EYA2: variants seen among roughly 807,000 people sequenced by gnomAD.
EYA2 encodes the protein protein phosphatase EYA2.
A neutral mutation model predicts 69.2 loss-of-function variants in EYA2; 31 were observed. The ratio of observed to expected loss-of-function variants is 0.45; its 90% CI spans 0.34 to 0.60. The LOEUF is 0.60. EYA2 is among the 20% of genes least tolerant of loss of function. EYA2 has a pLI of 0.02. For synonymous variants in EYA2, 257 were observed against 279.4 expected (o/e 0.92, Z 0.80); for missense variants, 622 against 701.2 (o/e 0.89, Z 1.28).
intron 9 of EYA2, among the ~76,000 whole-genome samples, chr20:47,107,080 A>G (rs2032603648): frequency 6.6e-6 from 1 of 152,098 alleles, no homozygotes; most frequent in Non-Finnish European, 1.5e-5. Flanking sequence ...TTCTCATTTT[A>G]TTCAACAAAT....
At chr20:46,961,080 A>G (rs1019504188) in intron 1 of EYA2, among the ~76,000 whole-genome samples, 16 of 152,226 alleles carry the variant, frequency 1.1e-4, no homozygotes, top group African/African-American at 3.9e-4. Flanking sequence ...CATGCCTGTA[A>G]TCCCAGCACT....
Position 47,188,406 on chromosome 20 carries a change from A to C in EYA2, c.*273A>C. On this transcript the variant is annotated 3_prime_UTR_variant, in exon 16 of 16. Transcript: ENST00000327619. ...TCTTCTGTAAGACTCACAGAACAAA[A>C]GCAAGGAATTGCTGATTTGGGGGGT... The C allele has an allele frequency of 1.8e-6, 1 of 565,938 alleles. No homozygotes were observed. Among genetic ancestry groups the C allele is most frequent in the South Asian group, 2.6e-5 (1 of 39,186 alleles). 35.1% of individuals were successfully genotyped at this position (565,938 alleles called of 1,614,324 possible).
intron 1 of EYA2, among the ~76,000 whole-genome samples, chr20:46,952,257 TG>T (rs1230255993): frequency 6.6e-6 from 1 of 151,412 alleles, no homozygotes; most frequent in Non-Finnish European, 1.5e-5. Flanking sequence ...GCATGCTTGG[TG>T]GGGGATGGGG....
intron 5 of EYA2, among the ~76,000 whole-genome samples, chr20:47,031,551 A>G (rs2146398142): frequency 6.6e-6 from 1 of 152,312 alleles, no homozygotes; most frequent in Admixed American, 6.5e-5. Flanking sequence ...TGTACCTGTG[A>G]CAATGCCTGC....
At chr20:46,900,636 A>G (rs1049284676) in intron 1 of EYA2, among the ~76,000 whole-genome samples, 2 of 152,226 alleles carry the variant, frequency 1.3e-5, no homozygotes, top group African/African-American at 4.8e-5. Flanking sequence ...TCATTGTTTG[A>G]CTTATGTCAA....
In EYA2 at chr20:46,963,938, C is replaced by T. The variant is rs571186781; in HGVS notation, c.-10-26063C>T. On this transcript the variant is annotated intron_variant, in intron 1 of 15. Transcript: ENST00000327619. ...AGAGAGAGATGAGGCCCACAGGCTT[C>T]GGGTCCTTGGTCTTAGAGCTCTTGA... Among the ~76,000 whole-genome samples, 21 of 152,342 alleles carry T rather than the reference C, an allele frequency of 1.4e-4. 1 individual carries two copies. In the South Asian group the frequency reaches 3.7e-3, roughly 27 times the overall value.
intron 1 of EYA2, among the ~76,000 whole-genome samples, chr20:46,903,824 A>C (rs1984229861): frequency 6.6e-6 from 1 of 152,198 alleles, no homozygotes; most frequent in South Asian, 2.1e-4. Context: ...CTTTGGGATG[A>C]TAATAATAAT....
At chr20:47,150,027 TGAA>T (rs1164919726) in intron 10 of EYA2, among the ~76,000 whole-genome samples, 4 of 152,190 alleles carry the variant, frequency 2.6e-5, no homozygotes, top group Non-Finnish European at 4.4e-5. Context: ...GTGCTGTCCC[TGAA>T]GAAGATGTCC....
rs574483459 is a variant in EYA2, at chr20:47,078,441, A to G, written c.661+4106A>G. Reference sequence around the variant, plus strand: ...AGGATATCCTTGAGTGGTTGGTTCCAAACTCCAGAGGCTCTAGAGGTTTAC... The same window carrying G: ...AGGATATCCTTGAGTGGTTGGTTCCGAACTCCAGAGGCTCTAGAGGTTTAC... On this transcript the variant is annotated intron_variant, in intron 7 of 15. Coordinates refer to ENST00000327619, the MANE Select transcript of EYA2 (RefSeq NM_005244.5). 5.3e-5 allele frequency among the ~76,000 whole-genome samples: 8 copies of G among 152,310 alleles called. No homozygotes were observed. The East Asian group carries it at 1.5e-3, about 29-fold the overall frequency.
chr20:47,081,404 T>C (rs1428164330), intron 7 of EYA2, among the ~76,000 whole-genome samples: 1 of 152,176 alleles, frequency 6.6e-6, no homozygotes, highest in Non-Finnish European at 1.5e-5. Context: ...TATCAAAATA[T>C]GTTGTACATC....
At chr20:47,107,538 A>AAG (rs1555825867) in intron 9 of EYA2, among the ~76,000 whole-genome samples, 117 of 149,004 alleles carry the variant, frequency 7.9e-4, no homozygotes, top group East Asian at 2.8e-3. Context: ...AAAAAAAAAA[A>AAG]AAAGAAAGAA....
chr20:47,115,508 G>A (rs1035266579), intron 9 of EYA2, among the ~76,000 whole-genome samples: 2 of 152,038 alleles, frequency 1.3e-5, no homozygotes, highest in Non-Finnish European at 2.9e-5. Context: ...AGTAAGTCAG[G>A]TCACCCGTCT....
At chr20:47,062,222 TGAG>T (rs943820115) in intron 5 of EYA2, among the ~76,000 whole-genome samples, 6 of 152,164 alleles carry the variant, frequency 3.9e-5, no homozygotes, top group African/African-American at 9.7e-5. Context: ...GCAGAGAAGT[TGAG>T]GAGAAATTTC....
intron 1 of EYA2, among the ~76,000 whole-genome samples, chr20:46,903,170 C>T (rs1171515143): frequency 2.0e-5 from 3 of 152,184 alleles, no homozygotes; most frequent in East Asian, 1.9e-4. Flanking sequence ...CCAGCATCTC[C>T]GGTAGGAGGA....
intron 1 of EYA2, among the ~76,000 whole-genome samples, chr20:46,913,050 T>C (rs939523424): frequency 4.6e-5 from 7 of 152,208 alleles, no homozygotes; most frequent in African/African-American, 1.4e-4. Flanking sequence ...GCTGGTAAAC[T>C]GGTTCTCTGG....
At chr20:47,057,352 A>T (rs1003289512) in intron 5 of EYA2, among the ~76,000 whole-genome samples, 1 of 152,206 alleles carries the variant, frequency 6.6e-6, no homozygotes, top group Non-Finnish European at 1.5e-5. Flanking sequence ...AAGAAAAGAA[A>T]CAGAGAAATA....
At chr20:47,044,408 TACTC>T (rs1362572739) in intron 5 of EYA2, among the ~76,000 whole-genome samples, 7 of 152,138 alleles carry the variant, frequency 4.6e-5, no homozygotes, top group South Asian at 2.1e-4. Flanking sequence ...CAACAGTCAA[TACTC>T]ACAGTGAGAA....
At chr20:47,095,595 AAAAAG>A (rs1341419022) in intron 8 of EYA2, among the ~76,000 whole-genome samples, 1 of 152,174 alleles carries the variant, frequency 6.6e-6, no homozygotes. Flanking sequence ...TAGAAAGAAA[AAAAAG>A]GTAAAACCTA....
At chr20:46,987,819 C>T (rs1600612362) in intron 1 of EYA2, among the ~76,000 whole-genome samples, 1 of 150,136 alleles carries the variant, frequency 6.7e-6, no homozygotes, top group Admixed American at 6.7e-5. Context: ...CTCAGCTACT[C>T]GGGAGGCTGA....
Sources: allele counts gnomAD v4.1 joint callset (sites outside exome capture counted in the v4.1 genomes callset), GRCh38; gene constraint gnomAD v4.1.1; transcripts MANE v1.5; gene names NCBI Gene and HGNC (gene_info 2026-07-23, HGNC 2026-07-21).